Variants in LRRC4C observed in about 807,000 individuals in gnomAD.
The protein encoded by LRRC4C is leucine-rich repeat-containing protein 4C.
LRRC4C carries 5 observed loss-of-function variants against 33.6 expected under a neutral mutation model. The observed-to-expected ratio is 0.15, with a 90% CI of 0.08 to 0.31. LRRC4C has a LOEUF of 0.31. Ranked by LOEUF, LRRC4C falls within the 10% of genes least tolerant of loss-of-function variation. The pLI, the probability that LRRC4C is intolerant of heterozygous loss-of-function variation, is 1.00. For synonymous variants in LRRC4C, 329 were observed against 302.0 expected (o/e 1.09, Z -0.93); for missense variants, 560 against 796.7 (o/e 0.70, Z 3.58).
intron 1 of LRRC4C, among the ~76,000 whole-genome samples, chr11:41,132,443 G>T (rs1032045982): frequency 6.6e-6 from 1 of 152,074 alleles, no homozygotes; most frequent in Non-Finnish European, 1.5e-5. Flanking sequence ...TAGAAATGAT[G>T]ATATATCCTA....
At chr11:40,517,877 T>C (rs1019341265) in intron 3 of LRRC4C, among the ~76,000 whole-genome samples, 8 of 152,046 alleles carry the variant, frequency 5.3e-5, no homozygotes, top group Non-Finnish European at 8.8e-5. Context: ...AAGTCTACAA[T>C]AACCAAAACA....
intron 1 of LRRC4C, among the ~76,000 whole-genome samples, chr11:41,114,248 A>G (rs556063052): frequency 6.6e-6 from 1 of 152,188 alleles, no homozygotes; most frequent in South Asian, 2.1e-4. Flanking sequence ...CTTTTTTTAA[A>G]AATCTGTTAT....
intron 3 of LRRC4C, among the ~76,000 whole-genome samples, chr11:40,464,352 C>G (rs538819784): frequency 6.6e-6 from 1 of 151,942 alleles, no homozygotes. Flanking sequence ...CCATATAAGA[C>G]TAACCCAGCC....
At chr11:40,249,541 ATATT>A (rs1455429543) in intron 4 of LRRC4C, among the ~76,000 whole-genome samples, 2 of 149,830 alleles carry the variant, frequency 1.3e-5, no homozygotes, top group East Asian at 3.9e-4. Flanking sequence ...TATTTTTTGT[ATATT>A]TAATAAATAT....
intron 2 of LRRC4C, among the ~76,000 whole-genome samples, chr11:40,831,343 C>G (rs765474787): frequency 2.0e-5 from 3 of 151,980 alleles, no homozygotes; most frequent in Non-Finnish European, 2.9e-5. Context: ...CTTTAGTAGT[C>G]AGGCAGGAAT....
chr11:40,293,204 G>C (rs1263829205), intron 4 of LRRC4C: 1 of 152,356 alleles, frequency 6.6e-6, no homozygotes, highest in Non-Finnish European at 1.5e-5. Flanking sequence ...TGCGGGGGGC[G>C]GGGGCGGGGG....
chr11:41,388,027 G>T (rs2137964010), intron 1 of LRRC4C, among the ~76,000 whole-genome samples: 1 of 151,842 alleles, frequency 6.6e-6, no homozygotes, highest in Non-Finnish European at 1.5e-5. Flanking sequence ...GGCATCAAAA[G>T]ATATCAGGTT....
chr11:40,249,154 A>T (rs1352722675), intron 4 of LRRC4C, among the ~76,000 whole-genome samples: 4 of 152,148 alleles, frequency 2.6e-5, no homozygotes, highest in African/African-American at 9.7e-5. Flanking sequence ...ACTGGCCAAC[A>T]TGGTGAAACC....
intron 2 of LRRC4C, among the ~76,000 whole-genome samples, chr11:40,806,200 A>G (rs1379116726): frequency 6.6e-6 from 1 of 152,224 alleles, no homozygotes; most frequent in Non-Finnish European, 1.5e-5. Flanking sequence ...TTGAAGGCTG[A>G]GATTAGAATT....
chr11:40,924,535 A>G (rs1167234359), intron 2 of LRRC4C, among the ~76,000 whole-genome samples: 5 of 152,158 alleles, frequency 3.3e-5, no homozygotes, highest in Admixed American at 2.0e-4. Context: ...AGTTAATGGT[A>G]TTAATATGCA....
At chr11:40,517,468 T>C (rs1955610012) in intron 3 of LRRC4C, among the ~76,000 whole-genome samples, 1 of 152,174 alleles carries the variant, frequency 6.6e-6, no homozygotes, top group Non-Finnish European at 1.5e-5. Context: ...ATTACACATC[T>C]GCAAAGGCAG....
chr11:41,335,034 A>G (rs1951407933), intron 1 of LRRC4C, among the ~76,000 whole-genome samples: 2 of 152,144 alleles, frequency 1.3e-5, no homozygotes, highest in South Asian at 4.1e-4. Context: ...CTTCAATACT[A>G]TACTCCACCA....
chr11:40,765,852 G>A (rs768168335), intron 2 of LRRC4C, among the ~76,000 whole-genome samples: 1 of 151,854 alleles, frequency 6.6e-6, no homozygotes, highest in Non-Finnish European at 1.5e-5. Flanking sequence ...TCTGAAAAAA[G>A]CAAATCTAAG....
At chr11:40,827,119 C>T (rs1230007983) in intron 2 of LRRC4C, among the ~76,000 whole-genome samples, 1 of 151,772 alleles carries the variant, frequency 6.6e-6, no homozygotes, top group African/African-American at 2.4e-5. Flanking sequence ...TACTCAAGAA[C>T]CACAACAACC....
chr11:40,964,907 A>G (rs1471976383), intron 1 of LRRC4C, among the ~76,000 whole-genome samples: 1 of 152,044 alleles, frequency 6.6e-6, no homozygotes, highest in African/African-American at 2.4e-5. Context: ...GGCTGGGTCA[A>G]ATGGTATTTC....
intron 1 of LRRC4C, among the ~76,000 whole-genome samples, chr11:41,369,308 A>T (rs1005544181): frequency 6.6e-6 from 1 of 152,164 alleles, no homozygotes; most frequent in African/African-American, 2.4e-5. Flanking sequence ...ATATAGAAAG[A>T]TGTTAAAAGA....
At chr11:40,872,600 C>A (rs965640225) in intron 2 of LRRC4C, among the ~76,000 whole-genome samples, 3 of 151,868 alleles carry the variant, frequency 2.0e-5, no homozygotes, top group African/African-American at 2.4e-5. Context: ...TATATCTTTC[C>A]CGGATTTGGT....
intron 2 of LRRC4C, among the ~76,000 whole-genome samples, chr11:40,722,184 A>T (rs940285184): frequency 1.3e-5 from 2 of 152,130 alleles, no homozygotes; most frequent in African/African-American, 4.8e-5. Context: ...TATTAATTTT[A>T]ATTTTGTTCA....
chr11:40,991,259 A>T (rs1853539728), intron 1 of LRRC4C, among the ~76,000 whole-genome samples: 1 of 149,882 alleles, frequency 6.7e-6, no homozygotes, highest in African/African-American at 2.4e-5. Context: ...AATAAATGTG[A>T]TTTTTAATAC....
Sources: allele counts gnomAD v4.1 joint callset (sites outside exome capture counted in the v4.1 genomes callset), GRCh38; gene constraint gnomAD v4.1.1; transcripts MANE v1.5; gene names NCBI Gene and HGNC (gene_info 2026-07-23, HGNC 2026-07-21).